The following KLHL2 variants were observed in gnomAD, a reference collection of about 807,000 sequenced individuals.
KLHL2 encodes kelch like family member 2.
KLHL2 carries 15 observed loss-of-function variants against 75.8 expected under a neutral mutation model. The ratio of observed to expected loss-of-function variants is 0.20; its 90% CI spans 0.13 to 0.30. KLHL2 has a LOEUF of 0.30. Ranked by LOEUF, KLHL2 falls within the 10% of genes least tolerant of loss-of-function variation. The pLI is 1.00. For missense variants in KLHL2, 381 were observed against 741.0 expected, an observed-to-expected ratio of 0.51 and a Z score of 5.64; for synonymous variants, 214 against 251.9, an observed-to-expected ratio of 0.85 and a Z score of 1.42.
rs571706818 is a variant in KLHL2, at chr4:165,319,566, C to T, written c.1753+1597C>T. On this transcript the variant is annotated intron_variant, in intron 14 of 14. Coordinates refer to ENST00000226725, the MANE Select transcript of KLHL2 (RefSeq NM_007246.4). The surrounding 1 kb of genome is among the most constrained non-coding windows in gnomAD (Gnocchi z 4.5). ...CATCCCAGCAGTTTTGAAAACTTCA[C>T]ACTTTTTGTGAAATCCCTTTTTATC... Among the ~76,000 whole-genome samples the T allele has an allele frequency of 6.6e-6, 1 of 152,290 alleles. No homozygotes were observed. Among genetic ancestry groups the T allele is most frequent in the South Asian group, 2.1e-4 (1 of 4,826 alleles).
chr4:165,251,615 GT>G (rs757789262), intron 4 of KLHL2, among the ~76,000 whole-genome samples: 8 of 129,832 alleles, frequency 6.2e-5, no homozygotes, highest in South Asian at 5.6e-4. Flanking sequence ...TTTTTTTTTT[GT>G]TTTTTTTTTT....
At chr4:165,262,084 C>T (rs1053045167) in intron 4 of KLHL2, among the ~76,000 whole-genome samples, 1 of 151,814 alleles carries the variant, frequency 6.6e-6, no homozygotes, top group Non-Finnish European at 1.5e-5. Context: ...CTTTATATAA[C>T]ACTGTAATAA....
intron 5 of KLHL2, among the ~76,000 whole-genome samples, chr4:165,292,959 A>C (rs1744627883): frequency 6.6e-6 from 1 of 152,200 alleles, no homozygotes. Flanking sequence ...GGTGCTTTAT[A>C]AACCACTAGC....
intron 5 of KLHL2, among the ~76,000 whole-genome samples, chr4:165,293,242 C>T (rs530948962): frequency 1.1e-4 from 17 of 152,202 alleles, no homozygotes; most frequent in African/African-American, 2.9e-4. Context: ...GGATGGAGGA[C>T]GTATCGGATA....
At chr4:165,289,038 C>G (rs1358420781) in intron 5 of KLHL2, among the ~76,000 whole-genome samples, 4 of 152,040 alleles carry the variant, frequency 2.6e-5, no homozygotes, top group Non-Finnish European at 5.9e-5. Context: ...GCCTTTCTTC[C>G]TATAGAATTT....
intron 5 of KLHL2, among the ~76,000 whole-genome samples, chr4:165,275,608 T>TG (rs1252851162): frequency 6.6e-6 from 1 of 152,194 alleles, no homozygotes; most frequent in Non-Finnish European, 1.5e-5. Context: ...TATCATTTTC[T>TG]TTTTCTTTTT....
At chr4:165,219,628 G>C in intron 1 of KLHL2, 1 of 1,067,170 alleles carries the variant, frequency 9.4e-7, no homozygotes, top group Non-Finnish European at 1.1e-6. Flanking sequence ...CAATGGAGAA[G>C]ATCATTTCTC....
At chr4:165,272,007 T>C (rs921207273) in intron 5 of KLHL2, among the ~76,000 whole-genome samples, 4 of 152,200 alleles carry the variant, frequency 2.6e-5, no homozygotes, top group African/African-American at 9.7e-5. Flanking sequence ...TGGAGAGTAG[T>C]AGTCCTAGAA....
rs747597456 is a variant in KLHL2 at position 165,277,941 on chromosome 4, A to T, written c.544+14582A>T. The T allele has an allele frequency of 3.2e-6, 3 of 944,852 alleles. No homozygotes were observed. The Admixed American group carries it at 5.1e-5, about 16-fold the overall frequency. The allele number at this position is 944,852 out of a possible 1,614,324, so 58.5% of individuals were successfully genotyped here. ...ACAATTGCTGGGTTGTTCTTTCATT[A>T]TGTAAAAAGCTCGCATCTTGGGAAT... On this transcript the variant is annotated intron_variant, in intron 5 of 14. Coordinates refer to ENST00000226725, the MANE Select transcript of KLHL2 (RefSeq NM_007246.4).
chr4:165,207,895 C>A lies in KLHL2; in HGVS notation c.19C>A (p.Pro7Thr). The A allele has an allele frequency of 7.0e-7, 1 of 1,437,400 alleles. No individual in the cohort carries two copies. The highest frequency in any genetic ancestry group is 9.2e-7 in the Non-Finnish European group (1 of 1,087,798). The allele number at this position is 1,437,400 out of a possible 1,614,324, so 89.0% of individuals were successfully genotyped here. The change falls in exon 1 of 15, where the codon CCT (proline) becomes ACT (threonine). Residue 7 changes from proline (P) to threonine (T), a missense_variant. Physicochemically the swap from Pro to Thr is conservative, Grantham distance 38. Around this residue, in one of 5 missense-constraint regions of KLHL2, gnomAD observed 48 missense variants for 88.9 expected, o/e 0.54. Transcript: ENST00000226725. The surrounding 1 kb of genome is among the most constrained non-coding windows in gnomAD (Gnocchi z 4.2). The part of the protein sequence containing the change: METPPL[P>T]PACTKQGHQK... ...AGCCACAATGGAGACGCCGCCGCTG[C>A]CTCCCGCGTGAGTGAGCGGGCGGGC... is the stretch of plus-strand genomic sequence containing the variant.
intron 5 of KLHL2, among the ~76,000 whole-genome samples, chr4:165,271,577 A>G (rs1277953087): frequency 1.3e-5 from 2 of 152,180 alleles, no homozygotes; most frequent in Admixed American, 6.6e-5. Flanking sequence ...TTCTAGGTAT[A>G]AGATCATATC....
chr4:165,220,887 A>T (rs1023438516), intron 2 of KLHL2, among the ~76,000 whole-genome samples: 5 of 151,978 alleles, frequency 3.3e-5, no homozygotes, highest in African/African-American at 1.2e-4. Context: ...CTTTTTTTTT[A>T]ATTAAAAGGG....
In KLHL2 at chr4:165,272,282, C is replaced by T. The variant is rs184493507; in HGVS notation, c.544+8923C>T. ...AATGCCTGTAGTGTGTAGCACTATTCATGCAGCACTTTTGAATAGAATGAA... is the reference window on the plus strand; with the variant it reads ...AATGCCTGTAGTGTGTAGCACTATTTATGCAGCACTTTTGAATAGAATGAA... On this transcript the variant is annotated intron_variant, in intron 5 of 14. Transcript: ENST00000226725. Among the ~76,000 whole-genome samples, 993 of 152,278 alleles carry T rather than the reference C, an allele frequency of 6.5e-3. 32 individuals carry two copies. The highest frequency in any genetic ancestry group is 2.9e-3 in the Non-Finnish European group (200 of 68,030).
At chr4:165,248,235 GA>G (rs1247818436) in intron 4 of KLHL2, among the ~76,000 whole-genome samples, 3 of 152,168 alleles carry the variant, frequency 2.0e-5, no homozygotes, top group African/African-American at 4.8e-5. Flanking sequence ...GTTCTATTTG[GA>G]TGTTTATGTC....
chr4:165,216,562 G>A (rs1737555311), intron 1 of KLHL2, among the ~76,000 whole-genome samples: 3 of 152,142 alleles, frequency 2.0e-5, no homozygotes, highest in Non-Finnish European at 2.9e-5. Flanking sequence ...GGGCAAAGGT[G>A]TAATTCTTCA....
intron 1 of KLHL2, chr4:165,219,731 C>T (rs1189337973): frequency 1.6e-6 from 2 of 1,281,522 alleles, no homozygotes; most frequent in South Asian, 2.7e-5. Context: ...AGGTAATTAC[C>T]CACTTTTTAA....
intron 4 of KLHL2, chr4:165,252,634 T>C (rs1740832039): frequency 6.6e-6 from 1 of 152,232 alleles, no homozygotes; most frequent in Non-Finnish European, 1.5e-5. Flanking sequence ...GGCATGATTA[T>C]TGCTAATTGA....
chr4:165,222,347 A>T (rs1348944264), intron 2 of KLHL2, among the ~76,000 whole-genome samples: 2 of 151,978 alleles, frequency 1.3e-5, no homozygotes, highest in Admixed American at 6.6e-5. Flanking sequence ...TGGCCCTAGG[A>T]TTATTTATAA....
intron 5 of KLHL2, among the ~76,000 whole-genome samples, chr4:165,272,364 C>CCT (rs1560791285): frequency 6.6e-6 from 1 of 151,852 alleles, no homozygotes; most frequent in Non-Finnish European, 1.5e-5. Flanking sequence ...CCAATGCAAG[C>CCT]AATTCTGTTC....
Sources: allele counts gnomAD v4.1 joint callset (sites outside exome capture counted in the v4.1 genomes callset), GRCh38; gene constraint gnomAD v4.1.1; regional missense constraint gnomAD v4.1.1; non-coding constraint Gnocchi (gnomAD v3.1); transcripts MANE v1.5; gene names NCBI Gene and HGNC (gene_info 2026-07-23, HGNC 2026-07-21).